The following COL23A1 variants were observed in gnomAD, a reference collection of about 807,000 sequenced individuals.
The protein encoded by COL23A1 is collagen type XXIII alpha 1 chain, also known as collagen alpha-1(XXIII) chain.
In COL23A1, 97 loss-of-function variants were observed where a neutral mutation model predicts 99.3. That is an observed-to-expected ratio of 0.98 (90% confidence interval 0.83 to 1.16). The LOEUF is 1.16. COL23A1 is among the 50% of genes most tolerant of loss of function. The pLI, the probability that COL23A1 is intolerant of heterozygous loss-of-function variation, is 0.00. For synonymous variants in COL23A1, 320 were observed against 308.2 expected (o/e 1.04, Z -0.40); for missense variants, 762 against 757.4 (o/e 1.01, Z -0.07).
At chr5:178,257,482 G>T in intron 13 of COL23A1, 41 bp downstream of exon 13, 1 of 1,556,332 alleles carries the variant, frequency 6.4e-7, no homozygotes, top group Non-Finnish European at 8.7e-7. Flanking sequence ...AACCATGGGA[G>T]GTGGGGGCAG....
At chr5:178,347,238 G>C (rs1345048790) in intron 2 of COL23A1, among the ~76,000 whole-genome samples, 1 of 152,202 alleles carries the variant, frequency 6.6e-6, no homozygotes, top group South Asian at 2.1e-4. Context: ...CAGTGTGACC[G>C]AAGGACTGGA....
Position 178,306,614 on chromosome 5 carries a change from G to A in COL23A1, c.406+261C>T, listed in dbSNP as rs1758369639. On this transcript the variant is annotated intron_variant, in intron 3 of 28. Transcript: ENST00000390654. The surrounding 1 kb of genome is among the most constrained non-coding windows in gnomAD (Gnocchi z 4.1). Reference sequence around the variant, plus strand: ...GGGCTGCTCTGGAGTGGGGGACTAGGGGCCAACAACGAGGTTCGGGGGATG... The same window carrying A: ...GGGCTGCTCTGGAGTGGGGGACTAGAGGCCAACAACGAGGTTCGGGGGATG... Among the ~76,000 whole-genome samples the A allele has an allele frequency of 6.7e-6, 1 of 150,034 alleles. No individual in the cohort carries two copies. Among genetic ancestry groups the A allele is most frequent in the African/African-American group, 2.5e-5 (1 of 40,682 alleles).
At chr5:178,252,398 G>A in intron 17 of COL23A1, 146 bp downstream of exon 17, 1 of 611,110 alleles carries the variant, frequency 1.6e-6, no homozygotes, top group Non-Finnish European at 2.8e-6. Context: ...ACTCAGCCTG[G>A]GAGCCCAGGC....
chr5:178,508,845 T>A (rs1759031464), intron 2 of COL23A1, among the ~76,000 whole-genome samples: 1 of 152,174 alleles, frequency 6.6e-6, no homozygotes, highest in Non-Finnish European at 1.5e-5. Flanking sequence ...TGTCCCAGGG[T>A]CCCTAGCTGC....
At chr5:178,562,228 C>T (rs1433567155) in intron 1 of COL23A1, 2 of 231,778 alleles carry the variant, frequency 8.6e-6, no homozygotes, top group South Asian at 7.6e-5. Flanking sequence ...GATGCCAGAG[C>T]GAGACTCCAT....
At chr5:178,475,586 C>T (rs1417803555) in intron 2 of COL23A1, among the ~76,000 whole-genome samples, 1 of 152,222 alleles carries the variant, frequency 6.6e-6, no homozygotes, top group Non-Finnish European at 1.5e-5. Flanking sequence ...GTGGCCTTGC[C>T]TGTTGTGTTA....
At chr5:178,347,506 G>A (rs1761040958) in intron 2 of COL23A1, among the ~76,000 whole-genome samples, 1 of 151,798 alleles carries the variant, frequency 6.6e-6, no homozygotes, top group African/African-American at 2.4e-5. Flanking sequence ...AGTGGTGACG[G>A]CTGCACAGTG....
Position 178,252,584 on chromosome 5 carries a change from G to A in COL23A1, c.974C>T (p.Pro325Leu), listed in dbSNP as rs1426907058. The change falls in exon 17 of 29, where the codon CCA becomes CTA. Residue 325 changes from proline (P) to leucine (L), a missense_variant. Coordinates refer to ENST00000390654, the MANE Select transcript of COL23A1 (RefSeq NM_173465.4). ...CCCTGGTGGCCCTGGGGGCCCCTGT[G>A]GTCCGGGAGGCCCCTGTGTGTGAGA... ...ILDALKGPPGPQGPPGPPGIP... is the reference protein window; with the variant it reads ...ILDALKGPPGLQGPPGPPGIP... The A allele has an allele frequency of 1.9e-6, 3 of 1,610,640 alleles. No individual in the cohort carries two copies. In the South Asian group the frequency reaches 3.3e-5, roughly 18 times the overall value.
At chr5:178,261,837 G>T in intron 10 of COL23A1, 89 bp from the exon 11 acceptor site, 2 of 1,144,028 alleles carry the variant, frequency 1.7e-6, no homozygotes, top group South Asian at 1.3e-5. Context: ...TGTAAAAGGT[G>T]ACACCAATCC....
rs1311465654 is a variant in COL23A1, at chr5:178,365,931, G to A, written c.362-59012C>T. 1.3e-5 allele frequency among the ~76,000 whole-genome samples: 2 copies of A among 152,130 alleles called. No homozygotes were observed. The highest frequency in any genetic ancestry group is 6.5e-5 in the Admixed American group (1 of 15,296). On this transcript the variant is annotated intron_variant, in intron 2 of 28. Transcript: ENST00000390654. This position sits in a 1 kb window ranked among gnomAD's most constrained non-coding sequence, Gnocchi z 5.2. ...CAGCAGGAAGGGGGGATGGTCAAGCGCACCACAGGCTTGGAAGCAGACACG... is the reference window on the plus strand; with the variant it reads ...CAGCAGGAAGGGGGGATGGTCAAGCACACCACAGGCTTGGAAGCAGACACG...
intron 1 of COL23A1, among the ~76,000 whole-genome samples, chr5:178,576,840 C>T (rs1204810970): frequency 1.3e-5 from 2 of 151,908 alleles, no homozygotes. Context: ...TCTCGGGCAG[C>T]GCCGCCCCTC....
rs75631034 is a variant in COL23A1 at position 178,364,931 on chromosome 5, T to C, written c.362-58012A>G. Among the ~76,000 whole-genome samples the C allele has an allele frequency of 6.3e-3, 967 of 152,314 alleles. 7 individuals are homozygous for C. Among genetic ancestry groups the C allele is most frequent in the African/African-American group, 0.022 (911 of 41,572 alleles). ...AGCCAGCATTTCCAGTGCCTGGGGC[T>C]GAACTGGCTTGGAAGCCTGGGCTCC... is the stretch of plus-strand genomic sequence containing the variant. On this transcript the variant is annotated intron_variant, in intron 2 of 28. Transcript: ENST00000390654.
intron 2 of COL23A1, among the ~76,000 whole-genome samples, chr5:178,554,912 A>G (rs1762187116): frequency 6.6e-6 from 1 of 152,192 alleles, no homozygotes; most frequent in Non-Finnish European, 1.5e-5. Context: ...ATTAAACACA[A>G]CAACCATCCC....
chr5:178,364,097 T>G (rs1008842415), intron 2 of COL23A1, among the ~76,000 whole-genome samples: 1 of 152,162 alleles, frequency 6.6e-6, no homozygotes, highest in African/African-American at 2.4e-5. Flanking sequence ...CCGGGTCACA[T>G]GGGGAGCTCT....
chr5:178,460,140 C>T (rs1473009716), intron 2 of COL23A1, among the ~76,000 whole-genome samples: 1 of 152,080 alleles, frequency 6.6e-6, no homozygotes, highest in Non-Finnish European at 1.5e-5. Context: ...TTTATTTCTG[C>T]TTTTCCTAAT....
intron 2 of COL23A1, among the ~76,000 whole-genome samples, chr5:178,484,546 G>A (rs559328448): frequency 4.1e-4 from 63 of 152,080 alleles, no homozygotes; most frequent in Non-Finnish European, 5.9e-4. Context: ...AGGCCGGGCC[G>A]GGCGTGGTGG....
At chr5:178,445,617 T>C (rs1054629875) in intron 2 of COL23A1, among the ~76,000 whole-genome samples, 1 of 152,174 alleles carries the variant, frequency 6.6e-6, no homozygotes, top group African/African-American at 2.4e-5. Context: ...TTGAACGACT[T>C]GCTACCTATT....
intron 28 of COL23A1, 31 bp from the exon 29 acceptor site, chr5:178,238,731 G>T (rs151176062): frequency 6.2e-7 from 1 of 1,611,998 alleles, no homozygotes; most frequent in Non-Finnish European, 8.5e-7. Context: ...TGAAGGTGAC[G>T]AGGAGCCCGA....
At chr5:178,295,307 T>A (rs2127591724) in intron 3 of COL23A1, among the ~76,000 whole-genome samples, 1 of 152,194 alleles carries the variant, frequency 6.6e-6, no homozygotes, top group South Asian at 2.1e-4. Context: ...AAACAAGATA[T>A]CCAAAGATAT....
Sources: gnomAD v4.1 joint callset for allele counts (sites outside exome capture counted in the v4.1 genomes callset) on GRCh38, gnomAD v4.1.1 for gene constraint, Gnocchi (gnomAD v3.1) non-coding constraint, MANE v1.5 for transcripts, NCBI Gene and HGNC (gene_info 2026-07-23, HGNC 2026-07-21) for gene names.